The following FGGY variants were observed in gnomAD, a reference collection of about 807,000 sequenced individuals.
FGGY encodes the protein FGGY carbohydrate kinase domain containing.
A neutral mutation model predicts 71.3 loss-of-function variants in FGGY; 72 were observed. The observed-to-expected ratio is 1.01, with a 90% confidence interval of 0.84 to 1.23. FGGY has a LOEUF of 1.23. FGGY is among the 50% of genes most tolerant of loss of function. The pLI is 0.00. For synonymous variants in FGGY, 251 were observed against 250.3 expected, an observed-to-expected ratio of 1.00 and a Z score of -0.02; for missense variants, 668 against 682.3, an observed-to-expected ratio of 0.98 and a Z score of 0.23.
At chr1:59,587,365 A>G (rs2096320963) in intron 8 of FGGY, among the ~76,000 whole-genome samples, 1 of 152,204 alleles carries the variant, frequency 6.6e-6, no homozygotes, top group Middle Eastern at 3.4e-3. Context: ...CTCTGGGGGC[A>G]GGGAACAGAC....
At chr1:59,510,444 A>G (rs558995735) in intron 6 of FGGY, among the ~76,000 whole-genome samples, 347 of 152,258 alleles carry the variant, frequency 2.3e-3, no homozygotes, top group Non-Finnish European at 4.0e-3. Context: ...TAATTAAGAT[A>G]TTGTCCAGAA....
rs138992389 is a variant in FGGY, at chr1:59,743,181, G to A, written c.1513-14750G>A. Among the ~76,000 whole-genome samples, 293 of 152,148 alleles carry A rather than the reference G, an allele frequency of 1.9e-3. 2 individuals carry two copies. Among genetic ancestry groups the A allele is most frequent in the African/African-American group, 6.7e-3 (278 of 41,502 alleles). ...TTAGGTCCTTTAAATGTATCATGTT[G>A]TCTTTACTTAAGGCCTTCAGATATG... On this transcript the variant is annotated intron_variant, in intron 14 of 15. Coordinates refer to ENST00000303721, the MANE Select transcript of FGGY (RefSeq NM_018291.5).
intron 1 of FGGY, among the ~76,000 whole-genome samples, chr1:59,304,821 G>A (rs2043214888): frequency 1.3e-5 from 2 of 151,650 alleles, no homozygotes; most frequent in East Asian, 3.9e-4. Context: ...TTTCCTTTTT[G>A]ATGCCCTTCT....
In FGGY at chr1:59,339,956, A is replaced by G; in HGVS notation, c.202-2A>G. ...TTATGTTTTTATTTGTTTTTAAAAC[A>G]GAAAGTTGTACAAGGGATTGATTTA... On this transcript the variant is annotated splice_acceptor_variant, in intron 2 of 15. Coordinates refer to ENST00000303721, the MANE Select transcript of FGGY (RefSeq NM_018291.5). LOFTEE classifies it high-confidence loss of function. 2 of 1,592,484 alleles carry G rather than the reference A, an allele frequency of 1.3e-6. No individual in the cohort carries two copies.
At chr1:59,579,874 A>G (rs983975958) in intron 8 of FGGY, among the ~76,000 whole-genome samples, 3 of 152,164 alleles carry the variant, frequency 2.0e-5, no homozygotes, top group African/African-American at 7.2e-5. Flanking sequence ...TTAAAAATAA[A>G]AGATCTGTTC....
At chr1:59,678,580 A>G (rs542759628) in intron 14 of FGGY, among the ~76,000 whole-genome samples, 1 of 152,358 alleles carries the variant, frequency 6.6e-6, no homozygotes, top group South Asian at 2.1e-4. Flanking sequence ...AGAAAACTCA[A>G]TCAAATGGCA....
intron 6 of FGGY, among the ~76,000 whole-genome samples, chr1:59,505,203 T>C (rs1199740765): frequency 6.6e-6 from 1 of 152,216 alleles, no homozygotes; most frequent in East Asian, 1.9e-4. Flanking sequence ...AACTACAAGA[T>C]GGCATAAGAA....
intron 5 of FGGY, among the ~76,000 whole-genome samples, chr1:59,438,263 GTTTGCAAAGCC>G (rs1244433108): frequency 1.3e-5 from 2 of 152,152 alleles, no homozygotes; most frequent in Non-Finnish European, 2.9e-5. Context: ...AAGTTAGCCT[GTTTGCAAAGCC>G]TTTGCCCTTT....
chr1:59,657,857 T>G (rs995685856), intron 11 of FGGY, among the ~76,000 whole-genome samples: 1 of 152,324 alleles, frequency 6.6e-6, no homozygotes, highest in East Asian at 1.9e-4. Flanking sequence ...GGTGGCAACA[T>G]GGAGCAAGTA....
chr1:59,436,318 C>T (rs2068459281), intron 5 of FGGY, among the ~76,000 whole-genome samples: 2 of 152,150 alleles, frequency 1.3e-5, no homozygotes, highest in South Asian at 4.1e-4. Context: ...TCTTCATTGT[C>T]CCTGAAATTT....
intron 3 of FGGY, among the ~76,000 whole-genome samples, chr1:59,343,749 T>TAAA (rs58199368): frequency 0.051 from 7,715 of 152,226 alleles, 441 homozygotes; most frequent in African/African-American, 0.14. Context: ...ACGAAAATTA[T>TAAA]TAATTCTAAT....
intron 8 of FGGY, among the ~76,000 whole-genome samples, chr1:59,599,571 G>A (rs1403627671): frequency 1.3e-5 from 2 of 150,526 alleles, no homozygotes; most frequent in African/African-American, 4.9e-5. Flanking sequence ...GCATGTGCCT[G>A]TAATCCCAGC....
chr1:59,386,542 C>T (rs2060095431), intron 5 of FGGY, among the ~76,000 whole-genome samples: 1 of 151,984 alleles, frequency 6.6e-6, no homozygotes, highest in Non-Finnish European at 1.5e-5. Context: ...CTTCCACCCC[C>T]CACCCCCCAC....
chr1:59,558,115 G>A (rs141907793), intron 8 of FGGY, among the ~76,000 whole-genome samples: 1 of 152,284 alleles, frequency 6.6e-6, no homozygotes, highest in East Asian at 1.9e-4. Flanking sequence ...TCTGTTAAAT[G>A]TGAGTGATAG....
intron 3 of FGGY, among the ~76,000 whole-genome samples, chr1:59,343,741 G>A (rs944643475): frequency 4.6e-5 from 7 of 150,934 alleles, no homozygotes; most frequent in Admixed American, 1.3e-4. Flanking sequence ...TATCTAAAAC[G>A]AAAATTATTA....
intron 6 of FGGY, among the ~76,000 whole-genome samples, chr1:59,457,592 A>G (rs2091840152): frequency 6.6e-6 from 1 of 152,054 alleles, no homozygotes; most frequent in South Asian, 2.1e-4. Context: ...CAGCTTGGGC[A>G]ACAGACAGAG....
At chr1:59,435,745 CGTGTGTGTGT>C (rs10563712) in intron 5 of FGGY, among the ~76,000 whole-genome samples, 1,591 of 142,334 alleles carry the variant, frequency 0.011, 23 homozygotes, top group African/African-American at 0.031. Flanking sequence ...TGTGTGCCTG[CGTGTGTGTGT>C]GTGTGTGTGT....
chr1:59,591,663 T>A (rs1246440304), intron 8 of FGGY, among the ~76,000 whole-genome samples: 2 of 152,182 alleles, frequency 1.3e-5, no homozygotes, highest in East Asian at 1.9e-4. Flanking sequence ...ATCTTTGACA[T>A]ACCTGAGAAA....
At chr1:59,558,737 C>T (rs1382100514) in intron 8 of FGGY, among the ~76,000 whole-genome samples, 1 of 152,082 alleles carries the variant, frequency 6.6e-6, no homozygotes, top group Non-Finnish European at 1.5e-5. Context: ...TTTTTCCCCA[C>T]CCTAATAAGC....
Sources: allele counts gnomAD v4.1 joint callset (sites outside exome capture counted in the v4.1 genomes callset), GRCh38; gene constraint gnomAD v4.1.1; transcripts MANE v1.5; gene names NCBI Gene and HGNC (gene_info 2026-07-23, HGNC 2026-07-21).